The following FLNB variants were observed in gnomAD, a reference collection of about 807,000 sequenced individuals.
FLNB encodes filamin-B.
A neutral mutation model predicts 250.6 loss-of-function variants in FLNB; 111 were observed. That is an observed-to-expected ratio of 0.44 (90% CI 0.38 to 0.52). The LOEUF is 0.52. Among genes scored for constraint, FLNB ranks in the 20% least tolerant of loss-of-function variants. FLNB has a pLI of 0.00. For synonymous variants in FLNB, 1,302 were observed against 1,372.1 expected (o/e 0.95, Z 1.13); for missense variants, 2,869 against 3,447.8 (o/e 0.83, Z 4.20).
chr3:58,118,188 C>G (rs1254956057), intron 18 of FLNB, among the ~76,000 whole-genome samples: 1 of 152,268 alleles, frequency 6.6e-6, no homozygotes, highest in Non-Finnish European at 1.5e-5. Context: ...CCTGCCAATC[C>G]TGCAAGCACC....
chr3:58,062,115 A>G (rs2097179638), intron 1 of FLNB, among the ~76,000 whole-genome samples: 1 of 152,166 alleles, frequency 6.6e-6, no homozygotes, highest in Non-Finnish European at 1.5e-5. Context: ...AAATCAAGCA[A>G]TGCAGAATAA....
At chr3:58,087,103 C>G (rs2097218549) in intron 4 of FLNB, among the ~76,000 whole-genome samples, 1 of 126,656 alleles carries the variant, frequency 7.9e-6, no homozygotes, top group East Asian at 5.1e-4. Context: ...GAGCTAGACT[C>G]TGTCTCAAAC....
At chr3:58,069,125 C>A (rs1377383534) in intron 1 of FLNB, among the ~76,000 whole-genome samples, 1 of 147,042 alleles carries the variant, frequency 6.8e-6, no homozygotes, top group Admixed American at 6.8e-5. Context: ...CCTGGATGAC[C>A]GAGACCCTGT....
intron 1 of FLNB, among the ~76,000 whole-genome samples, chr3:58,065,669 T>A (rs1394237311): frequency 6.6e-6 from 1 of 152,058 alleles, no homozygotes; most frequent in Non-Finnish European, 1.5e-5. Context: ...AGAAGAGATG[T>A]TTAGGAGTCT....
rs750364564 is a variant in FLNB, at chr3:58,168,504, C to T, written c.7263C>T (p.Ile2421=). The T allele has an allele frequency of 5.0e-6, 8 of 1,614,096 alleles. No homozygotes were observed. The highest frequency in any genetic ancestry group is 3.3e-5 in the South Asian group (3 of 91,086). Residue 2421 remains isoleucine, a synonymous_variant, in exon 44 of 46, where the codon ATC becomes ATT. Transcript: ENST00000295956. ...RAGPGTLSVT[I]EGPSKVKMDC... ...GTCCAGGGACATTATCCGTCACCATCGAAGGCCCATCCAAGGTTAAAATGG... is the reference window on the plus strand; with the variant it reads ...GTCCAGGGACATTATCCGTCACCATTGAAGGCCCATCCAAGGTTAAAATGG...
intron 35 of FLNB, 32 bp downstream of exon 35, chr3:58,148,396 AG>A: frequency 6.2e-7 from 1 of 1,605,826 alleles, no homozygotes; most frequent in African/African-American, 1.3e-5. Context: ...GGCTGGAGCC[AG>A]GACATCTTGG....
At chr3:58,159,729 C>T (rs1308200012) in intron 42 of FLNB, 43 bp downstream of exon 42, 4 of 1,605,118 alleles carry the variant, frequency 2.5e-6, no homozygotes, top group Admixed American at 1.7e-5. Flanking sequence ...CCAGCACTTT[C>T]CAGCAGAATG....
rs768988364 is a variant in FLNB, at chr3:58,170,743, T to C, written c.7790T>C (p.Phe2597Ser). The C allele has an allele frequency of 1.9e-6, 3 of 1,614,192 alleles. No homozygotes were observed. The South Asian group carries it at 3.3e-5, about 18-fold the overall frequency. ...WGEEHIPGSP[F>S]HVTVP Reference sequence around the variant, plus strand: ...GAGGAACACATCCCTGGCAGCCCTTTTCATGTCACAGTGCCTTAAAACAGT... The same window carrying C: ...GAGGAACACATCCCTGGCAGCCCTTCTCATGTCACAGTGCCTTAAAACAGT... The change falls in exon 46 of 46, where the codon TTT becomes TCT. Residue 2597 changes from phenylalanine to serine, a missense_variant. Transcript: ENST00000295956.
At chr3:58,095,466 G>A (rs999035481) in intron 5 of FLNB, among the ~76,000 whole-genome samples, 1 of 152,144 alleles carries the variant, frequency 6.6e-6, no homozygotes, top group African/African-American at 2.4e-5. Flanking sequence ...ACATTGGCCA[G>A]GCTGGTCTTG....
intron 1 of FLNB, among the ~76,000 whole-genome samples, chr3:58,021,508 T>C (rs1466950273): frequency 6.6e-6 from 1 of 152,004 alleles, no homozygotes; most frequent in Non-Finnish European, 1.5e-5. Context: ...CTTGGCAGAG[T>C]TGGCTTGAAA....
rs763138719 is a variant in FLNB, at chr3:58,143,482, A to T, written c.5294A>T (p.His1765Leu). The T allele has an allele frequency of 6.2e-7, 1 of 1,614,170 alleles. No homozygotes were observed. The highest frequency in any genetic ancestry group is 8.5e-7 in the Non-Finnish European group (1 of 1,180,034). The change falls in exon 32 of 46, where the codon CAC becomes CTC. Residue 1765 changes from histidine to leucine, a missense_variant. Transcript: ENST00000295956. ...TCTCTGTGCTCCATAGGAGAGGTCC[A>T]CATGCCTTCTGGGAAGACAGCCACA... ...VRKGEITGEVHMPSGKTATPE... is the reference protein window; with the variant it reads ...VRKGEITGEVLMPSGKTATPE...
intron 1 of FLNB, among the ~76,000 whole-genome samples, chr3:58,059,252 G>A (rs191777625): frequency 1.3e-5 from 2 of 152,260 alleles, no homozygotes; most frequent in East Asian, 1.9e-4. Flanking sequence ...TTTTTCATGT[G>A]TTTATAAAAT....
intron 38 of FLNB, chr3:58,152,835 G>T: frequency 2.1e-6 from 2 of 960,042 alleles, no homozygotes; most frequent in Non-Finnish European, 2.9e-6. Flanking sequence ...CGGCAGTGCA[G>T]GCACAGTCGT....
intron 31 of FLNB, among the ~76,000 whole-genome samples, chr3:58,143,187 A>G (rs988955501): frequency 1.1e-4 from 16 of 151,970 alleles, no homozygotes; most frequent in Non-Finnish European, 1.8e-4. Context: ...CTATGTATCC[A>G]GCTGGTTTCA....
intron 1 of FLNB, among the ~76,000 whole-genome samples, chr3:58,068,195 G>A (rs2097188795): frequency 1.3e-5 from 2 of 152,252 alleles, no homozygotes; most frequent in South Asian, 2.1e-4. Flanking sequence ...TGACCATCTA[G>A]GTGGAAGTTG....
intron 1 of FLNB, among the ~76,000 whole-genome samples, chr3:58,063,344 C>T (rs545004469): frequency 5.6e-4 from 85 of 152,278 alleles, no homozygotes; most frequent in African/African-American, 1.8e-3. Flanking sequence ...AGAAGGAGGT[C>T]GGTCCCTGGG....
At position 58,150,137 on chromosome 3, in the gene FLNB, G is replaced by A. The variant is rs1317906933; in HGVS notation, c.6277G>A (p.Gly2093Arg). 2 of 1,614,224 alleles carry A rather than the reference G, an allele frequency of 1.2e-6. No homozygotes were observed. Among genetic ancestry groups the A allele is most frequent in the African/African-American group, 1.3e-5 (1 of 75,062 alleles). ...ATTTACCGTGAAGATCAGTGGGGAG[G>A]GAAGAGTCAAAGAGAGCATCACCCG... ...SPFTVKISGE[G>R]RVKESITRTS... Residue 2093 changes from glycine (G) to arginine (R), a missense_variant, in exon 38 of 46, where the codon GGA becomes AGA. Gly to Arg is a moderately radical substitution (Grantham distance 125). Coordinates refer to ENST00000295956, the MANE Select transcript of FLNB (RefSeq NM_001457.4).
chr3:58,062,966 T>TG (rs2097180609), intron 1 of FLNB, among the ~76,000 whole-genome samples: 1 of 152,212 alleles, frequency 6.6e-6, no homozygotes. Context: ...GTGAATTTGA[T>TG]GGGACAGTCG....
At position 58,145,127 on chromosome 3, in the gene FLNB, G is replaced by A. The variant is rs1319546077; in HGVS notation, c.5426-794G>A. Among the ~76,000 whole-genome samples the A allele has an allele frequency of 2.6e-5, 4 of 152,212 alleles. No homozygotes were observed. The East Asian group carries it at 7.7e-4, about 29-fold the overall frequency. On this transcript the variant is annotated intron_variant, in intron 32 of 45. Coordinates refer to ENST00000295956, the MANE Select transcript of FLNB (RefSeq NM_001457.4). ...TAAATATTCTAAAGCGGCAGATGGA[G>A]AGAGAGGAAAAAATGTCTTTCTCAC...
Sources: allele counts gnomAD v4.1 joint callset (sites outside exome capture counted in the v4.1 genomes callset), GRCh38; gene constraint gnomAD v4.1.1; transcripts MANE v1.5; gene names NCBI Gene and HGNC (gene_info 2026-07-23, HGNC 2026-07-21).